Variants in NFIC observed in about 807,000 individuals in gnomAD.
NFIC encodes nuclear factor I C.
In NFIC, 12 loss-of-function variants were observed where a neutral mutation model predicts 54.4. The ratio of observed to expected loss-of-function variants is 0.22; its 90% CI spans 0.14 to 0.36. The LOEUF (loss-of-function observed/expected upper bound fraction) is 0.36. Among genes scored for constraint, NFIC ranks in the 10% least tolerant of loss-of-function variants. The pLI, the probability that NFIC is intolerant of heterozygous loss-of-function variation, is 1.00. For synonymous variants in NFIC, 322 were observed against 319.2 expected, an observed-to-expected ratio of 1.01 and a Z score of -0.09; for missense variants, 575 against 718.2, an observed-to-expected ratio of 0.80 and a Z score of 2.28.
chr19:3,463,576 C>T lies in NFIC; in HGVS notation c.*807C>T, dbSNP rs1752228906. 2 of 985,052 alleles carry T rather than the reference C, an allele frequency of 2.0e-6. No homozygotes were observed. Among genetic ancestry groups the T allele is most frequent in the South Asian group, 9.4e-5 (2 of 21,278 alleles). The allele number at this position is 985,052 out of a possible 1,614,324, so 61.0% of individuals were successfully genotyped here. A position where few individuals can be genotyped will look rare whatever the true frequency, so the allele number is the denominator to read the frequency against. ...TCGCTGGGGACTCTTTCAGCCCTCG[C>T]GCCCGCCCGTTTGGGAGGAGAAGTC... On this transcript the variant is annotated 3_prime_UTR_variant, in exon 11 of 11. Coordinates refer to ENST00000443272, the MANE Select transcript of NFIC (RefSeq NM_001245002.2).
At chr19:3,362,392 G>C (rs1030033738), upstream of NFIC, among the ~76,000 whole-genome samples, 1 of 151,434 alleles carries the variant, frequency 6.6e-6, no homozygotes, top group Admixed American at 6.6e-5. Context: ...TTGTGGCTGT[G>C]TGTGTGCCAT....
intron 1 of NFIC, 24 bp downstream of exon 1, chr19:3,366,690 G>A (rs1404378963): frequency 1.5e-6 from 2 of 1,366,822 alleles, no homozygotes; most frequent in East Asian, 2.8e-5. Flanking sequence ...CCGGCCCCCC[G>A]CCGGCGCCCC....
In NFIC at chr19:3,463,100, C is replaced by T; in HGVS notation, c.*331C>T. 8.0e-7 allele frequency: 1 copy of T among 1,250,446 alleles called. No individual in the cohort carries two copies. Among genetic ancestry groups the T allele is most frequent in the Non-Finnish European group, 1.0e-6 (1 of 994,722 alleles). The allele number at this position is 1,250,446 out of a possible 1,614,324, so 77.5% of individuals were successfully genotyped here. A position where few individuals can be genotyped will look rare whatever the true frequency, so the allele number is the denominator to read the frequency against. ...CCCCCACGGGAGACCCGGGACAGGG[C>T]GTCTTCCTAAGTTATTCATCTCCTC... On this transcript the variant is annotated 3_prime_UTR_variant, in exon 11 of 11. Coordinates refer to ENST00000443272, the MANE Select transcript of NFIC (RefSeq NM_001245002.2).
At chr19:3,365,522 C>G (rs1161657276), upstream of NFIC, among the ~76,000 whole-genome samples, 1 of 152,150 alleles carries the variant, frequency 6.6e-6, no homozygotes, top group African/African-American at 2.4e-5. Flanking sequence ...CCTGGGGGCT[C>G]AGACGGAGGC....
chr19:3,433,301 G>A (rs2145627732), intron 3 of NFIC, among the ~76,000 whole-genome samples: 1 of 152,348 alleles, frequency 6.6e-6, no homozygotes, highest in South Asian at 2.1e-4. Flanking sequence ...ACAGCATGGG[G>A]GAACCCGGAT....
intron 1 of NFIC, among the ~76,000 whole-genome samples, chr19:3,367,297 C>T (rs1447875242): frequency 1.3e-5 from 2 of 152,190 alleles, no homozygotes; most frequent in East Asian, 3.9e-4. Flanking sequence ...CCGGCTGGGT[C>T]CCCCCTCCTT....
chr19:3,371,979 C>A (rs58976421), intron 1 of NFIC, among the ~76,000 whole-genome samples: 1 of 62,316 alleles, frequency 1.6e-5, no homozygotes, highest in Non-Finnish European at 3.0e-5. Context: ...TTCTCTTTCT[C>A]TCTCTCTCCC....
rs2082598306 is a variant in NFIC at position 3,458,850 on chromosome 19, C to A, written c.1509+2215C>A. On this transcript the variant is annotated intron_variant, in intron 10 of 10. Transcript: ENST00000443272. The surrounding 1 kb of genome is among the most constrained non-coding windows in gnomAD (Gnocchi z 4.1). ...TCTGGAGCACAGAAAGGAGGTGACA[C>A]ATTGTCAAGAGGCTCTCAGGGGAGC... 6.6e-6 allele frequency among the ~76,000 whole-genome samples: 1 copy of A among 152,030 alleles called. No individual in the cohort carries two copies. The highest frequency in any genetic ancestry group is 2.1e-4 in the South Asian group (1 of 4,826).
Position 3,409,731 on chromosome 19 carries a change from C to T in NFIC, c.563-15375C>T, listed in dbSNP as rs149653746. On this transcript the variant is annotated intron_variant, in intron 2 of 10. Coordinates refer to ENST00000443272, the MANE Select transcript of NFIC (RefSeq NM_001245002.2). Reference sequence around the variant, plus strand: ...TGGACTGAATTTGGGCTCACAGCCACGGACAGGAGAGAACAGTGTGTCCGC... The same window carrying T: ...TGGACTGAATTTGGGCTCACAGCCATGGACAGGAGAGAACAGTGTGTCCGC... 1.1e-4 allele frequency among the ~76,000 whole-genome samples: 17 copies of T among 152,340 alleles called. No homozygotes were observed. The East Asian group carries it at 2.7e-3, about 24-fold the overall frequency.
chr19:3,443,321 C>T lies in NFIC; in HGVS notation c.959-5693C>T, dbSNP rs148581584. Among the ~76,000 whole-genome samples the T allele has an allele frequency of 7.6e-3, 1,160 of 151,832 alleles. 15 individuals are homozygous for T. The highest frequency in any genetic ancestry group is 0.026 in the African/African-American group (1,094 of 41,388). ...CCTGTAGTCCCAGCTACTCGAGAGG[C>T]TGAGGTTGGGAGGATCGCTTGAGCC... On this transcript the variant is annotated intron_variant, in intron 6 of 10. Coordinates refer to ENST00000443272, the MANE Select transcript of NFIC (RefSeq NM_001245002.2).
In NFIC at chr19:3,381,915, C is replaced by A; in HGVS notation, c.234C>A (p.Ala78=). Residue 78 remains alanine, a synonymous_variant, in exon 2 of 11, where the codon GCC becomes GCA. Coordinates refer to ENST00000443272, the MANE Select transcript of NFIC (RefSeq NM_001245002.2). The part of the protein sequence containing the change: ...VKQKWASRLL[A]KLRKDIRPEC... ...AGAAGTGGGCGTCGCGGCTGCTGGC[C>A]AAGCTGCGCAAGGACATCCGGCCCG... is the stretch of plus-strand genomic sequence containing the variant. The A allele has an allele frequency of 6.2e-7, 1 of 1,613,712 alleles. No homozygotes were observed.
At chr19:3,386,990 G>A (rs1306376813) in intron 2 of NFIC, among the ~76,000 whole-genome samples, 2 of 152,334 alleles carry the variant, frequency 1.3e-5, no homozygotes, top group African/African-American at 4.8e-5. Flanking sequence ...TTTCCGAACC[G>A]AGAGTCCCCT....
chr19:3,394,038 G>A (rs1387341147), intron 2 of NFIC, among the ~76,000 whole-genome samples: 1 of 151,592 alleles, frequency 6.6e-6, no homozygotes, highest in Non-Finnish European at 1.5e-5. Context: ...CACCTCCTGG[G>A]TTCAAGCAGT....
chr19:3,411,542 G>T lies in NFIC; in HGVS notation c.563-13564G>T, dbSNP rs1433784175. On this transcript the variant is annotated intron_variant, in intron 2 of 10. Coordinates refer to ENST00000443272, the MANE Select transcript of NFIC (RefSeq NM_001245002.2). The stretch of plus-strand genomic sequence containing the variant: ...CAGGTTTCACCGTGTCGGTCAGGCT[G>T]GTCTCGAACTCCTGACCTCCAGTGA... 2.0e-5 allele frequency among the ~76,000 whole-genome samples: 3 copies of T among 151,486 alleles called. No homozygotes were observed. In the East Asian group the frequency reaches 5.8e-4, roughly 29 times the overall value.
chr19:3,426,842 C>G (rs2082034790), intron 3 of NFIC, among the ~76,000 whole-genome samples: 2 of 152,136 alleles, frequency 1.3e-5, no homozygotes, highest in African/African-American at 4.8e-5. Flanking sequence ...CCAGATCTCC[C>G]CTGGTCTCAG....
chr19:3,420,758 G>A (rs2081941830), intron 2 of NFIC, among the ~76,000 whole-genome samples: 1 of 151,248 alleles, frequency 6.6e-6, no homozygotes, highest in South Asian at 2.1e-4. Context: ...GAGTCACTCT[G>A]TCGCCCAGAC....
chr19:3,464,772 T>G lies in NFIC; in HGVS notation c.*2003T>G. The G allele has an allele frequency of 1.1e-6, 1 of 936,902 alleles. No individual in the cohort carries two copies. The highest frequency in any genetic ancestry group is 1.3e-6 in the Non-Finnish European group (1 of 785,916). The allele number at this position is 936,902 out of a possible 1,614,324, so 58.0% of individuals were successfully genotyped here. ...CATCACCCCCAAGAGAGGTTCGCCA[T>G]CCTCTGGCCTCGAGCCCTTGGTCCC... On this transcript the variant is annotated 3_prime_UTR_variant, in exon 11 of 11. Transcript: ENST00000443272.
At chr19:3,429,404 C>T (rs1568443958) in intron 3 of NFIC, among the ~76,000 whole-genome samples, 1 of 151,470 alleles carries the variant, frequency 6.6e-6, no homozygotes, top group African/African-American at 2.4e-5. Flanking sequence ...CATAGCAAGA[C>T]CCTATCTCTA....
chr19:3,437,405 G>T (rs1256579877), intron 6 of NFIC, among the ~76,000 whole-genome samples: 1 of 151,502 alleles, frequency 6.6e-6, no homozygotes, highest in African/African-American at 2.4e-5. Context: ...TCCGGCACTC[G>T]GACGCATCTA....
Sources: gnomAD v4.1 joint callset for allele counts (sites outside exome capture counted in the v4.1 genomes callset) on GRCh38, gnomAD v4.1.1 for gene constraint, Gnocchi (gnomAD v3.1) non-coding constraint, MANE v1.5 for transcripts, NCBI Gene and HGNC (gene_info 2026-07-23, HGNC 2026-07-21) for gene names.